Variants in EXOC6B observed in about 807,000 individuals in gnomAD.
EXOC6B encodes the protein exocyst complex component 6B.
A neutral mutation model predicts 113.5 loss-of-function variants in EXOC6B; 54 were observed. The ratio of observed to expected loss-of-function variants is 0.48; its 90% CI spans 0.38 to 0.60. The LOEUF (loss-of-function observed/expected upper bound fraction) is 0.60. EXOC6B is among the 20% of genes least tolerant of loss of function. EXOC6B has a pLI of 0.00. For synonymous variants in EXOC6B, 357 were observed against 339.0 expected, an observed-to-expected ratio of 1.05 and a Z score of -0.58; for missense variants, 797 against 977.5, an observed-to-expected ratio of 0.82 and a Z score of 2.46.
intron 18 of EXOC6B, among the ~76,000 whole-genome samples, chr2:72,390,898 A>G (rs1692334535): frequency 6.6e-6 from 1 of 152,212 alleles, no homozygotes; most frequent in Admixed American, 6.5e-5. Context: ...TTCGCCCTAT[A>G]CATTAATAGC....
chr2:72,346,872 C>T lies in EXOC6B; in HGVS notation c.2123-11852G>A, dbSNP rs768698219. Among the ~76,000 whole-genome samples, 31 of 152,098 alleles carry T rather than the reference C, an allele frequency of 2.0e-4. 1 individual carries two copies. The highest frequency in any genetic ancestry group is 1.4e-3 in the Admixed American group (21 of 15,272). On this transcript the variant is annotated intron_variant, in intron 19 of 21. Transcript: ENST00000272427. ...AGCCAAGGATAACAAAGATGTTCTACGATTTCAACCTACAATCTTGGGATC... is the reference window on the plus strand; with the variant it reads ...AGCCAAGGATAACAAAGATGTTCTATGATTTCAACCTACAATCTTGGGATC...
intron 1 of EXOC6B, among the ~76,000 whole-genome samples, chr2:72,765,089 C>A (rs1208639127): frequency 5.3e-5 from 8 of 149,564 alleles, no homozygotes; most frequent in Non-Finnish European, 3.0e-5. Flanking sequence ...CCCATCACTA[C>A]AAAAAAAAAG....
At chr2:72,813,379 C>A (rs1456442220) in intron 1 of EXOC6B, among the ~76,000 whole-genome samples, 2 of 152,194 alleles carry the variant, frequency 1.3e-5, no homozygotes, top group African/African-American at 4.8e-5. Flanking sequence ...AGCTACCACA[C>A]CCAGCCAAAT....
intron 19 of EXOC6B, among the ~76,000 whole-genome samples, chr2:72,347,246 A>G (rs1689390767): frequency 6.6e-6 from 1 of 152,162 alleles, no homozygotes; most frequent in Admixed American, 6.6e-5. Context: ...TCTGTGCATA[A>G]TCTCTAGGAA....
chr2:72,590,924 T>C (rs376084246), intron 6 of EXOC6B, among the ~76,000 whole-genome samples: 19 of 152,010 alleles, frequency 1.2e-4, no homozygotes, highest in African/African-American at 3.9e-4. Context: ...AAATTGAGTT[T>C]TGATGAACCA....
intron 1 of EXOC6B, among the ~76,000 whole-genome samples, chr2:72,803,670 T>C (rs1320951032): frequency 6.6e-6 from 1 of 152,206 alleles, no homozygotes; most frequent in African/African-American, 2.4e-5. Context: ...CACTTAAAAT[T>C]ATTGCATCTA....
intron 20 of EXOC6B, among the ~76,000 whole-genome samples, chr2:72,296,783 T>C (rs1010258075): frequency 5.3e-5 from 8 of 151,944 alleles, no homozygotes; most frequent in African/African-American, 1.5e-4. Context: ...ATAAACACAA[T>C]GGTTTTCTGT....
At chr2:72,713,405 TAAGAAC>T (rs1288553561) in intron 6 of EXOC6B, among the ~76,000 whole-genome samples, 2 of 152,094 alleles carry the variant, frequency 1.3e-5, no homozygotes, top group Admixed American at 6.6e-5. Flanking sequence ...AGGAGGAATA[TAAGAAC>T]AAGAACAAAT....
chr2:72,395,743 A>G (rs1692688464), intron 18 of EXOC6B, among the ~76,000 whole-genome samples: 1 of 152,108 alleles, frequency 6.6e-6, no homozygotes, highest in Admixed American at 6.6e-5. Context: ...GACCTTTGGG[A>G]CAGTTATTTA....
chr2:72,739,557 T>G (rs1261174397), intron 2 of EXOC6B, among the ~76,000 whole-genome samples: 1 of 152,092 alleles, frequency 6.6e-6, no homozygotes, highest in Non-Finnish European at 1.5e-5. Flanking sequence ...TCTCTCAATT[T>G]TTTCTTTCTG....
In EXOC6B at chr2:72,353,039, T is replaced by C. The variant is rs554878216; in HGVS notation, c.2123-18019A>G. Among the ~76,000 whole-genome samples, 7 of 152,160 alleles carry C rather than the reference T, an allele frequency of 4.6e-5. No homozygotes were observed. The East Asian group carries it at 7.7e-4, about 17-fold the overall frequency. The stretch of plus-strand genomic sequence containing the variant: ...GAATGCATCAGAAATTCTTGGGAGA[T>C]TGGGGCATACTATGAACATTAGGAC... On this transcript the variant is annotated intron_variant, in intron 19 of 21. Transcript: ENST00000272427.
chr2:72,744,617 C>T (rs1230898829), intron 1 of EXOC6B, among the ~76,000 whole-genome samples: 1 of 152,122 alleles, frequency 6.6e-6, no homozygotes, highest in East Asian at 1.9e-4. Context: ...ATTGCATAAG[C>T]TGATATATTA....
chr2:72,734,193 C>T (rs746217530), intron 2 of EXOC6B, among the ~76,000 whole-genome samples: 3 of 152,168 alleles, frequency 2.0e-5, no homozygotes, highest in Non-Finnish European at 2.9e-5. Flanking sequence ...GAACGATACA[C>T]TATACCTGGA....
intron 8 of EXOC6B, among the ~76,000 whole-genome samples, chr2:72,539,875 C>A (rs1018313493): frequency 9.2e-5 from 14 of 151,436 alleles, no homozygotes; most frequent in African/African-American, 3.4e-4. Flanking sequence ...TATACATGTG[C>A]CATGCTGGTG....
chr2:72,449,328 G>A (rs889714980), intron 18 of EXOC6B, among the ~76,000 whole-genome samples: 5 of 151,794 alleles, frequency 3.3e-5, no homozygotes, highest in Admixed American at 6.6e-5. Context: ...GACTACAGAC[G>A]CCCAGCTAAT....
intron 20 of EXOC6B, among the ~76,000 whole-genome samples, chr2:72,256,478 G>A (rs1403609213): frequency 6.6e-6 from 1 of 152,194 alleles, no homozygotes; most frequent in Non-Finnish European, 1.5e-5. Flanking sequence ...AAAAGTAACT[G>A]GAATGGGAAT....
chr2:72,640,265 A>C (rs1673131916), intron 6 of EXOC6B, among the ~76,000 whole-genome samples: 1 of 152,238 alleles, frequency 6.6e-6, no homozygotes, highest in Non-Finnish European at 1.5e-5. Context: ...AGAGGAAAGA[A>C]TCTCAGAGCT....
chr2:72,442,637 A>G, intron 18 of EXOC6B, among the ~76,000 whole-genome samples: 1 of 152,226 alleles, frequency 6.6e-6, no homozygotes, highest in South Asian at 2.1e-4. Flanking sequence ...AGTCCCATTC[A>G]CAGTTGAAAC....
At chr2:72,556,212 A>G (rs569399664) in intron 8 of EXOC6B, among the ~76,000 whole-genome samples, 2 of 152,208 alleles carry the variant, frequency 1.3e-5, no homozygotes, top group Middle Eastern at 3.2e-3. Flanking sequence ...CCTGCTTGTT[A>G]TGAGACTTTT....
Sources: allele counts gnomAD v4.1 joint callset (sites outside exome capture counted in the v4.1 genomes callset), GRCh38; gene constraint gnomAD v4.1.1; transcripts MANE v1.5; gene names NCBI Gene and HGNC (gene_info 2026-07-23, HGNC 2026-07-21).